Variants in SEPTIN7 observed in about 807,000 individuals in gnomAD.
SEPTIN7 encodes the protein septin-7.
A neutral mutation model predicts 63.3 loss-of-function variants in SEPTIN7; 10 were observed. That is an observed-to-expected ratio of 0.16 (90% CI 0.10 to 0.27). The LOEUF (loss-of-function observed/expected upper bound fraction) is 0.27. Among genes scored for constraint, SEPTIN7 ranks in the 10% least tolerant of loss-of-function variants. SEPTIN7 has a pLI of 1.00. For missense variants in SEPTIN7, 310 were observed against 521.0 expected, an observed-to-expected ratio of 0.59 and a Z score of 3.94; for synonymous variants, 131 against 165.3, an observed-to-expected ratio of 0.79 and a Z score of 1.59.
intron 1 of SEPTIN7, among the ~76,000 whole-genome samples, chr7:35,819,447 A>G (rs565700737): frequency 2.0e-5 from 3 of 152,060 alleles, no homozygotes; most frequent in Non-Finnish European, 2.9e-5. Flanking sequence ...TTGTACAGCT[A>G]TGTGTTAGGT....
chr7:35,805,703 C>T (rs942826728), intron 1 of SEPTIN7, among the ~76,000 whole-genome samples: 64 of 152,164 alleles, frequency 4.2e-4, no homozygotes, highest in Non-Finnish European at 8.8e-4. Flanking sequence ...CTCCTGCTTA[C>T]GTTATTTTGA....
intron 7 of SEPTIN7, among the ~76,000 whole-genome samples, chr7:35,881,573 TTTTACTTCTG>T (rs1786882286): frequency 6.6e-6 from 1 of 151,700 alleles, no homozygotes. Flanking sequence ...TCAGTGACAA[TTTTACTTCTG>T]TTTACTTCTG....
intron 8 of SEPTIN7, among the ~76,000 whole-genome samples, chr7:35,883,593 C>G (rs978444019): frequency 6.7e-6 from 1 of 148,412 alleles, no homozygotes; most frequent in Non-Finnish European, 1.5e-5. Flanking sequence ...TTATCCCCCC[C>G]CAGGTATGGG....
chr7:35,859,080 C>G (rs1266404495), intron 3 of SEPTIN7, among the ~76,000 whole-genome samples: 4 of 152,010 alleles, frequency 2.6e-5, no homozygotes, highest in Non-Finnish European at 5.9e-5. Context: ...TTTTCTAGTT[C>G]CTTATGGTGT....
chr7:35,801,356 A>C, intron 1 of SEPTIN7, 86 bp downstream of exon 1: 1 of 1,460,146 alleles, frequency 6.8e-7, no homozygotes, highest in African/African-American at 1.5e-5. Context: ...GAGCTAGGGA[A>C]CGCCCTGAGG....
chr7:35,881,697 G>A (rs542345235), intron 7 of SEPTIN7, among the ~76,000 whole-genome samples: 30 of 151,884 alleles, frequency 2.0e-4, no homozygotes, highest in African/African-American at 6.8e-4. Context: ...AGACAGGGAA[G>A]CTAGGTTTAG....
intron 3 of SEPTIN7, among the ~76,000 whole-genome samples, chr7:35,843,448 T>A (rs1784509026): frequency 6.6e-6 from 1 of 152,160 alleles, no homozygotes; most frequent in South Asian, 2.1e-4. Context: ...TCTGTCAGTC[T>A]CACGTAATGA....
intron 2 of SEPTIN7, 58 bp from the exon 3 acceptor site, chr7:35,832,740 G>A (rs551529516): frequency 1.6e-4 from 148 of 915,000 alleles, no homozygotes; most frequent in Admixed American, 5.7e-4. Context: ...GAATTTGAAA[G>A]TGTGATTGAA....
At chr7:35,888,823 C>CAAAAAAA (rs70974780) in intron 10 of SEPTIN7, 16 of 187,784 alleles carry the variant, frequency 8.5e-5, no homozygotes, top group South Asian at 1.8e-4. Flanking sequence ...GACCCTGTAT[C>CAAAAAAA]AAAAAAAAAA....
intron 1 of SEPTIN7, among the ~76,000 whole-genome samples, chr7:35,801,595 T>G (rs1787979319): frequency 6.6e-6 from 1 of 152,002 alleles, no homozygotes; most frequent in South Asian, 2.1e-4. Context: ...GCCCTGCCCT[T>G]GCTTCTCTCC....
chr7:35,844,656 A>G (rs936420697), intron 3 of SEPTIN7, among the ~76,000 whole-genome samples: 6 of 152,014 alleles, frequency 3.9e-5, no homozygotes, highest in East Asian at 3.9e-4. Flanking sequence ...CTAGAGTGCA[A>G]TGGCGTGATC....
chr7:35,819,712 T>C (rs1171110769), intron 1 of SEPTIN7, among the ~76,000 whole-genome samples: 2 of 152,182 alleles, frequency 1.3e-5, no homozygotes, highest in African/African-American at 4.8e-5. Flanking sequence ...CAATATGTCT[T>C]TTAAGTCTGT....
At chr7:35,882,312 A>G (rs1056275245) in intron 7 of SEPTIN7, among the ~76,000 whole-genome samples, 172 bp from the exon 8 acceptor site, 1 of 151,792 alleles carries the variant, frequency 6.6e-6, no homozygotes, top group African/African-American at 2.4e-5. Context: ...TAAAAAAAAA[A>G]AAAAGACTAG....
chr7:35,844,484 A>G (rs1033697732), intron 3 of SEPTIN7, among the ~76,000 whole-genome samples: 5 of 152,244 alleles, frequency 3.3e-5, no homozygotes, highest in African/African-American at 1.2e-4. Flanking sequence ...CAGCTGTTAC[A>G]CTGAAAAGAA....
intron 10 of SEPTIN7, among the ~76,000 whole-genome samples, chr7:35,886,529 G>A (rs1787257167): frequency 6.6e-6 from 1 of 152,156 alleles, no homozygotes; most frequent in Admixed American, 6.5e-5. Context: ...TAGTAGACAA[G>A]GAACAGAAAG....
the SEPTIN7 span, among the ~76,000 whole-genome samples, chr7:35,915,324 T>C: frequency 3.3e-5 from 5 of 152,102 alleles, no homozygotes; most frequent in African/African-American, 1.2e-4. Context: ...CACACACTTC[T>C]GGAATTGGGT....
intron 9 of SEPTIN7, among the ~76,000 whole-genome samples, chr7:35,884,795 GTTTTCTT>G (rs1787126938): frequency 6.6e-6 from 1 of 151,966 alleles, no homozygotes; most frequent in African/African-American, 2.4e-5. Context: ...GGAGTTTTTT[GTTTTCTT>G]TTTTAACCTG....
At chr7:35,810,326 CTTT>C (rs1201297520) in intron 1 of SEPTIN7, among the ~76,000 whole-genome samples, 7 of 138,952 alleles carry the variant, frequency 5.0e-5, no homozygotes, top group Non-Finnish European at 4.7e-5. Flanking sequence ...AAAATGTTTC[CTTT>C]TTTTTTTTTT....
At chr7:35,807,113 T>C (rs1447127760) in intron 1 of SEPTIN7, among the ~76,000 whole-genome samples, 1 of 152,170 alleles carries the variant, frequency 6.6e-6, no homozygotes, top group African/African-American at 2.4e-5. Flanking sequence ...TTTGACACCA[T>C]AGCAATCAAG....
Sources: allele counts gnomAD v4.1 joint callset (sites outside exome capture counted in the v4.1 genomes callset), GRCh38; gene constraint gnomAD v4.1.1; transcripts MANE v1.5; gene names NCBI Gene and HGNC (gene_info 2026-07-23, HGNC 2026-07-21).